The following YTHDF3 variants were observed in gnomAD, a reference collection of about 807,000 sequenced individuals.
YTHDF3 encodes the protein YTH N6-methyladenosine RNA binding protein F3.
YTHDF3 carries 9 observed loss-of-function variants against 52.5 expected under a neutral mutation model. That is an observed-to-expected ratio of 0.17 (90% CI 0.10 to 0.30). The LOEUF is 0.30. Ranked by LOEUF, YTHDF3 falls within the 10% of genes least tolerant of loss-of-function variation. The probability of loss-of-function intolerance (pLI) is 1.00; values close to 1 mark genes in which losing one functional copy is unlikely to be tolerated. For missense variants in YTHDF3, 534 were observed against 715.0 expected (o/e 0.75, Z 2.89); for synonymous variants, 274 against 243.3 (o/e 1.13, Z -1.18).
At chr8:63,184,258 G>T (rs548553033) in intron 3 of YTHDF3, among the ~76,000 whole-genome samples, 66 of 152,310 alleles carry the variant, frequency 4.3e-4, no homozygotes, top group African/African-American at 1.4e-3. Flanking sequence ...TTAACATCCA[G>T]TGTATTTGAA....
intron 2 of YTHDF3, chr8:63,173,787 T>C (rs1209472705): frequency 2.0e-6 from 1 of 506,492 alleles, no homozygotes; most frequent in Non-Finnish European, 2.5e-6. Flanking sequence ...CTATTACATA[T>C]TTAAATTCCA....
chr8:63,168,579 C>A (rs1322035799), upstream of YTHDF3: 4 of 544,700 alleles, frequency 7.3e-6, no homozygotes, highest in African/African-American at 2.0e-5. Context: ...GCGCGGACGT[C>A]AGAGTGGAGA....
intron 2 of YTHDF3, among the ~76,000 whole-genome samples, chr8:63,174,246 T>A (rs2129980804): frequency 6.6e-6 from 1 of 152,338 alleles, no homozygotes; most frequent in Admixed American, 6.5e-5. Context: ...TCGGAAACTT[T>A]CAACTTTATC....
intron 4 of YTHDF3, among the ~76,000 whole-genome samples, chr8:63,207,834 T>TA (rs967227639): frequency 6.6e-6 from 1 of 152,298 alleles, no homozygotes; most frequent in African/African-American, 2.4e-5. Context: ...AGATTGCCCT[T>TA]ACATCTTTTT....
Position 63,173,213 on chromosome 8 carries a change from T to TATATATATATACAC in YTHDF3, c.50-2117_50-2116insTATATATATACACA, listed in dbSNP as rs947970396. The stretch of plus-strand genomic sequence containing the variant: ...TAACAGGATTATATTTATATATATA[T>TATATATATATACAC]ACAGATAAATTTTAAGTAAGTACTT... On this transcript the variant is annotated intron_variant, in intron 2 of 4. Transcript: ENST00000539294. Among the ~76,000 whole-genome samples, 8 of 146,140 alleles carry TATATATATATACAC rather than the reference T, an allele frequency of 5.5e-5. 1 individual carries two copies. The highest frequency in any genetic ancestry group is 2.1e-4 in the African/African-American group (8 of 37,842).
rs372046184 is a variant in YTHDF3 at position 63,187,471 on chromosome 8, C to A, written c.1460C>A (p.Ala487Glu). The change falls in exon 4 of 5, where the codon GCG becomes GAG. Residue 487 changes from alanine (A) to glutamate (E), a missense_variant. Ala to Glu is a moderately radical substitution (Grantham distance 107). Coordinates refer to ENST00000539294, the MANE Select transcript of YTHDF3 (RefSeq NM_152758.6). ...AEMKSVVDYN[A>E]YAGVWSQDKW... is the part of the protein sequence containing the mutation. ...ATGAAGTCTGTTGTGGACTATAATG[C>A]GTATGCTGGTGTCTGGTCTCAGGAT... 3 of 1,613,796 alleles carry A rather than the reference C, an allele frequency of 1.9e-6. No homozygotes were observed. The highest frequency in any genetic ancestry group is 1.7e-6 in the Non-Finnish European group (2 of 1,179,884).
At chr8:63,200,311 C>G (rs1809521804) in intron 4 of YTHDF3, among the ~76,000 whole-genome samples, 1 of 152,198 alleles carries the variant, frequency 6.6e-6, no homozygotes, top group African/African-American at 2.4e-5. Context: ...GCTGAGGAGG[C>G]AGTAGCTACC....
At chr8:63,190,503 A>T (rs1184622870) in intron 4 of YTHDF3, among the ~76,000 whole-genome samples, 1 of 152,146 alleles carries the variant, frequency 6.6e-6, no homozygotes, top group Non-Finnish European at 1.5e-5. Context: ...TGTTTTGTTA[A>T]ATAAAGTTTA....
intron 2 of YTHDF3, 64 bp from the exon 3 acceptor site, chr8:63,175,267 A>G: frequency 4.1e-6 from 5 of 1,216,862 alleles, no homozygotes; most frequent in East Asian, 2.5e-5. Flanking sequence ...TATTAAAAAC[A>G]TTAGGTTGTG....
upstream of YTHDF3, chr8:63,168,586 G>C (rs1459131421): frequency 3.6e-6 from 2 of 559,642 alleles, no homozygotes; most frequent in African/African-American, 3.9e-5. Context: ...CGTCAGAGTG[G>C]AGAGCGGAAG....
At chr8:63,168,996 C>T (rs1807082623) in intron 1 of YTHDF3, 95 bp downstream of exon 1, 7 of 1,507,630 alleles carry the variant, frequency 4.6e-6, no homozygotes, top group East Asian at 2.6e-5. Context: ...CCGCCGCTGC[C>T]GGCCCCATAA....
chr8:63,203,135 G>C (rs937566847), intron 4 of YTHDF3, among the ~76,000 whole-genome samples: 1 of 151,698 alleles, frequency 6.6e-6, no homozygotes, highest in South Asian at 2.1e-4. Context: ...CCAGCTACTC[G>C]AGAGGCTTGA....
intron 4 of YTHDF3, among the ~76,000 whole-genome samples, chr8:63,199,773 CA>C (rs1177628970): frequency 6.6e-6 from 1 of 151,430 alleles, no homozygotes; most frequent in African/African-American, 2.4e-5. Context: ...ATGGCTTAAA[CA>C]TTTTTTTTTT....
rs202037352 is a variant in YTHDF3, at chr8:63,203,231, G to GA, written c.1735-6450dup. Among the ~76,000 whole-genome samples the GA allele has an allele frequency of 8.6e-3, 1,178 of 136,878 alleles. 24 individuals carry two copies. The highest frequency in any genetic ancestry group is 0.035 in the African/African-American group (1,134 of 32,810). The allele number at this position is 136,878 out of a possible 152,430, so 89.8% of individuals were successfully genotyped here. ...GCACTCCAGCCTGGGTGACAAGAGT[G>GA]AACTCTGTCTCAAAAAAAAAAAAAA... On this transcript the variant is annotated intron_variant, in intron 4 of 4. Coordinates refer to ENST00000539294, the MANE Select transcript of YTHDF3 (RefSeq NM_152758.6).
intron 3 of YTHDF3, among the ~76,000 whole-genome samples, chr8:63,182,946 C>G (rs899884805): frequency 1.1e-4 from 15 of 141,940 alleles, no homozygotes; most frequent in Non-Finnish European, 1.8e-4. Context: ...AGACAGTAGA[C>G]AGTTTTATCT....
rs1047096702 is a variant in YTHDF3 at position 63,212,619 on chromosome 8, T to C, written c.*2913T>C. 1 of 152,638 alleles carries C rather than the reference T, an allele frequency of 6.6e-6. No individual in the cohort carries two copies. Among genetic ancestry groups the C allele is most frequent in the African/African-American group, 2.4e-5 (1 of 41,460 alleles). 9.5% of individuals were successfully genotyped at this position (152,638 alleles called of 1,614,324 possible). On this transcript the variant is annotated 3_prime_UTR_variant, in exon 5 of 5. Coordinates refer to ENST00000539294, the MANE Select transcript of YTHDF3 (RefSeq NM_152758.6). ...AGGTTATGATAAAATGATTAGTTCA[T>C]TTACATTCACTTGTAGCAATTACAT...
chr8:63,186,682 G>A lies in YTHDF3; in HGVS notation c.671G>A (p.Ser224Asn), dbSNP rs61740399. The change falls in exon 4 of 5, where the codon AGT becomes AAT. Residue 224 changes from serine to asparagine, a missense_variant. Ser to Asn is a conservative substitution (Grantham distance 46). Around this residue, in one of 3 missense-constraint regions of YTHDF3, gnomAD observed 196 missense variants for 299.5 expected, o/e 0.65. Coordinates refer to ENST00000539294, the MANE Select transcript of YTHDF3 (RefSeq NM_152758.6). ...GGTATGACTAGCATTGCAACCAATA[G>A]TGTGCCCCCAGTTAGCAGTGCAGCA... ...SSGMTSIATN[S>N]VPPVSSAAPK... 0.023 allele frequency: 37,401 copies of A among 1,613,928 alleles called. 539 individuals carry two copies. The highest frequency in any genetic ancestry group is 0.026 in the Non-Finnish European group (31,196 of 1,179,884).
At chr8:63,197,516 T>G (rs919045726) in intron 4 of YTHDF3, among the ~76,000 whole-genome samples, 1 of 152,188 alleles carries the variant, frequency 6.6e-6, no homozygotes, top group African/African-American at 2.4e-5. Flanking sequence ...CATAATTGTT[T>G]AAAGATATAT....
intron 4 of YTHDF3, chr8:63,188,944 C>T (rs1248860203): frequency 6.6e-6 from 1 of 151,630 alleles, no homozygotes; most frequent in Non-Finnish European, 1.5e-5. Flanking sequence ...AACTGCTGAC[C>T]TCGTGATCCG....
Sources: gnomAD v4.1 joint callset for allele counts (sites outside exome capture counted in the v4.1 genomes callset) on GRCh38, gnomAD v4.1.1 for gene constraint, gnomAD v4.1.1 regional missense constraint, MANE v1.5 for transcripts, NCBI Gene and HGNC (gene_info 2026-07-23, HGNC 2026-07-21) for gene names.